Variants in ATP10A observed in about 807,000 individuals in gnomAD.
The protein encoded by ATP10A is phospholipid-transporting ATPase VA.
In ATP10A, 111 loss-of-function variants were observed where a neutral mutation model predicts 147.8. That is an observed-to-expected ratio of 0.75 (90% CI 0.64 to 0.88). The LOEUF (loss-of-function observed/expected upper bound fraction) is 0.88, where lower values mean the gene tolerates loss of function less well. Ranked by LOEUF, ATP10A falls within the 40% of genes least tolerant of loss-of-function variation. ATP10A has a pLI of 0.00. For synonymous variants in ATP10A, 875 were observed against 841.6 expected (o/e 1.04, Z -0.69); for missense variants, 1,927 against 1,959.0 (o/e 0.98, Z 0.31).
chr15:25,771,682 C>G (rs1889345012), intron 2 of ATP10A, among the ~76,000 whole-genome samples: 1 of 152,082 alleles, frequency 6.6e-6, no homozygotes, highest in Non-Finnish European at 1.5e-5. Flanking sequence ...TGGCTGCCTA[C>G]CTGCCCCTCT....
chr15:25,731,342 G>A (rs2140466902), intron 3 of ATP10A, among the ~76,000 whole-genome samples: 1 of 152,328 alleles, frequency 6.6e-6, no homozygotes, highest in South Asian at 2.1e-4. Flanking sequence ...TTATAAATAT[G>A]TATGCATCCA....
chr15:25,727,074 A>AAT, intron 4 of ATP10A, 86 bp downstream of exon 4: 1 of 1,043,234 alleles, frequency 9.6e-7, no homozygotes, highest in Non-Finnish European at 1.4e-6. Context: ...AAAATGAAAA[A>AAT]GAAAAAAGAA....
intron 7 of ATP10A, among the ~76,000 whole-genome samples, chr15:25,721,352 G>T (rs947198724): frequency 1.3e-5 from 2 of 152,186 alleles, no homozygotes; most frequent in African/African-American, 2.4e-5. Flanking sequence ...GGGACCGGAT[G>T]CCTTGGGAGT....
intron 1 of ATP10A, among the ~76,000 whole-genome samples, chr15:25,798,469 T>C (rs1426677593): frequency 6.6e-6 from 1 of 152,088 alleles, no homozygotes; most frequent in African/African-American, 2.4e-5. Context: ...GCAAGTCCAT[T>C]TGTCATAGAT....
At chr15:25,680,732 C>T in intron 19 of ATP10A, 78 bp downstream of exon 19, 2 of 1,367,402 alleles carry the variant, frequency 1.5e-6, no homozygotes, top group Non-Finnish European at 1.0e-6. Context: ...ACCTCCCAGA[C>T]CTCATGAATC....
chr15:25,702,151 A>AGAAGG, intron 12 of ATP10A, 51 bp from the exon 13 acceptor site: 1 of 1,550,830 alleles, frequency 6.4e-7, no homozygotes, highest in East Asian at 2.3e-5. Flanking sequence ...CGTGCCCCCC[A>AGAAGG]ATCCTTCTGG....
chr15:25,788,854 C>A (rs1418279444), intron 1 of ATP10A, among the ~76,000 whole-genome samples: 4 of 152,238 alleles, frequency 2.6e-5, no homozygotes, highest in South Asian at 2.1e-4. Flanking sequence ...ACAATTAATC[C>A]CTACAAAGAG....
At chr15:25,713,569 A>G in intron 10 of ATP10A, 105 bp downstream of exon 10, 3 of 1,175,890 alleles carry the variant, frequency 2.6e-6, no homozygotes, top group Non-Finnish European at 3.6e-6. Flanking sequence ...TCTGTTGGAA[A>G]AGGATTAATG....
At chr15:25,674,068 T>C (rs1220223446), downstream of ATP10A, among the ~76,000 whole-genome samples, 1 of 152,246 alleles carries the variant, frequency 6.6e-6, no homozygotes, top group Non-Finnish European at 1.5e-5. Flanking sequence ...AAGAACGTGA[T>C]GGCAAGCCTT....
chr15:25,775,268 T>A (rs754684982), intron 2 of ATP10A, among the ~76,000 whole-genome samples: 15 of 152,226 alleles, frequency 9.9e-5, no homozygotes, highest in African/African-American at 1.9e-4. Flanking sequence ...AGCAGTTTTT[T>A]AAAAAAAATA....
At chr15:25,785,861 C>G (rs1408064877) in intron 1 of ATP10A, among the ~76,000 whole-genome samples, 3 of 152,232 alleles carry the variant, frequency 2.0e-5, no homozygotes, top group Non-Finnish European at 4.4e-5. Flanking sequence ...CCCACCTCGC[C>G]CAGGGGCAGG....
At chr15:25,743,978 T>C (rs905093440) in intron 2 of ATP10A, among the ~76,000 whole-genome samples, 6 of 152,112 alleles carry the variant, frequency 3.9e-5, no homozygotes, top group Non-Finnish European at 8.8e-5. Context: ...ATCCACAGGT[T>C]TAGGTGAGTA....
rs1427684890 is a variant in ATP10A, at chr15:25,716,819, G to A, written c.1687C>T (p.Pro563Ser). ...AAATCAAAGACGTCAGACAGCTCAG[G>A]CGAGAGGTGGGCCAGCAGGTGCTCC... ...HQEHLLAHLS[P>S]ELSDVFDFFI... The change falls in exon 9 of 21, where the codon CCT becomes TCT. Residue 563 changes from proline to serine, a missense_variant. Physicochemically the swap from Pro to Ser is moderately conservative, Grantham distance 74. Transcript: ENST00000555815. 6.2e-7 allele frequency: 1 copy of A among 1,611,234 alleles called. No individual in the cohort carries two copies. Among genetic ancestry groups the A allele is most frequent in the Non-Finnish European group, 8.5e-7 (1 of 1,178,834 alleles).
intron 1 of ATP10A, among the ~76,000 whole-genome samples, chr15:25,807,317 C>T (rs1891231376): frequency 6.6e-6 from 1 of 152,242 alleles, no homozygotes; most frequent in South Asian, 2.1e-4. Flanking sequence ...TTCCTGCCCA[C>T]CCTTCTGCGG....
At chr15:25,827,728 A>G (rs1203262412) in intron 1 of ATP10A, among the ~76,000 whole-genome samples, 1 of 152,242 alleles carries the variant, frequency 6.6e-6, no homozygotes, top group Non-Finnish European at 1.5e-5. Context: ...TAATGGAGGA[A>G]CAGACAAATA....
chr15:25,752,503 T>G (rs1325208394), intron 2 of ATP10A, among the ~76,000 whole-genome samples: 1 of 152,128 alleles, frequency 6.6e-6, no homozygotes, highest in East Asian at 1.9e-4. Context: ...TTGGGAGAGA[T>G]GGGGAGATGA....
chr15:25,858,928 G>A (rs188377118), intron 1 of ATP10A, among the ~76,000 whole-genome samples: 263 of 152,234 alleles, frequency 1.7e-3, no homozygotes, highest in Admixed American at 3.0e-3. Context: ...GGCAGGCTTT[G>A]GGGGACAGAT....
intron 1 of ATP10A, among the ~76,000 whole-genome samples, chr15:25,793,998 T>C (rs1890549267): frequency 6.6e-6 from 1 of 152,176 alleles, no homozygotes; most frequent in Admixed American, 6.5e-5. Flanking sequence ...ATTCAGGATG[T>C]GTATGGGAGG....
intron 2 of ATP10A, among the ~76,000 whole-genome samples, chr15:25,746,332 C>T (rs981214841): frequency 1.3e-5 from 2 of 151,960 alleles, no homozygotes; most frequent in African/African-American, 2.4e-5. Flanking sequence ...TTATATAATC[C>T]TAATAGCATA....
Sources: allele counts gnomAD v4.1 joint callset (sites outside exome capture counted in the v4.1 genomes callset), GRCh38; gene constraint gnomAD v4.1.1; transcripts MANE v1.5; gene names NCBI Gene and HGNC (gene_info 2026-07-23, HGNC 2026-07-21).